The following CCDC7 variants were observed in gnomAD, a reference collection of about 807,000 sequenced individuals.
The protein encoded by CCDC7 is coiled-coil domain containing 7.
Under a neutral mutation model 196.9 loss-of-function variants are expected in CCDC7, and 183 were observed. The ratio of observed to expected loss-of-function variants is 0.93; its 90% CI spans 0.82 to 1.05. The LOEUF is 1.05. Among genes scored for constraint, CCDC7 ranks in the 50% least tolerant of loss-of-function variants. CCDC7 has a pLI of 0.00. For synonymous variants in CCDC7, 525 were observed against 484.6 expected, an observed-to-expected ratio of 1.08 and a Z score of -1.10; for missense variants, 1,540 against 1,482.2, an observed-to-expected ratio of 1.04 and a Z score of -0.64.
chr10:32,788,478 A>G (rs556618016), intron 29 of CCDC7, among the ~76,000 whole-genome samples: 1 of 152,316 alleles, frequency 6.6e-6, no homozygotes, highest in South Asian at 2.1e-4. Context: ...ATACTGGTAC[A>G]GGCCTGCCCA....
intron 21 of CCDC7, among the ~76,000 whole-genome samples, chr10:32,673,848 T>C (rs950102785): frequency 2.0e-5 from 3 of 152,024 alleles, no homozygotes; most frequent in Non-Finnish European, 2.9e-5. Context: ...AGGTTATTGG[T>C]AGGTTCTAGG....
Position 32,565,620 on chromosome 10 carries a change from G to A in CCDC7, c.1197G>A (p.Gln399=), listed in dbSNP as rs752482268. The change falls in exon 14 of 42, where the codon CAG becomes CAA. Residue 399 remains glutamine, a splice_region_variant and synonymous_variant. Transcript: ENST00000639629. The stretch of plus-strand genomic sequence containing the variant: ...AGGAGCAATTGAAACAGGCTTTACA[G>A]GTAAAGGATGTCATGTTTCTTTAAC... 1.5e-5 allele frequency: 24 copies of A among 1,606,096 alleles called. 2 individuals are homozygous for A. In the South Asian group the frequency reaches 2.6e-4, roughly 17 times the overall value.
intron 21 of CCDC7, among the ~76,000 whole-genome samples, chr10:32,685,257 C>T (rs1410383646): frequency 1.4e-5 from 2 of 147,882 alleles, no homozygotes; most frequent in African/African-American, 5.0e-5. Context: ...CCCTACAGGT[C>T]AGTTTATAGA....
intron 21 of CCDC7, among the ~76,000 whole-genome samples, chr10:32,682,726 T>A (rs1476468772): frequency 3.9e-5 from 6 of 152,238 alleles, no homozygotes; most frequent in African/African-American, 1.2e-4. Context: ...TGGTTTTGAT[T>A]TGCATTTCTC....
rs200536902 is a variant in CCDC7 at position 32,463,054 on chromosome 10, G to A, written c.510+5G>A. 1.9e-6 allele frequency: 3 copies of A among 1,613,038 alleles called. No individual in the cohort carries two copies. The highest frequency in any genetic ancestry group is 2.5e-6 in the Non-Finnish European group (3 of 1,179,634). On this transcript the variant is annotated splice_donor_5th_base_variant and intron_variant, in intron 5 of 41. Coordinates refer to ENST00000639629, the Ensembl canonical transcript of CCDC7. ...CAGGTCAATCAGATGGAAGAAGTAA[G>A]TCTAACGTTTTAAAATTGTTAAGTT... is the stretch of plus-strand genomic sequence containing the variant.
chr10:32,512,701 A>G (rs934162840), intron 9 of CCDC7: 3 of 152,230 alleles, frequency 2.0e-5, no homozygotes, highest in African/African-American at 7.2e-5. Flanking sequence ...GGGAGAAAAG[A>G]TTTGTGCTCA....
chr10:32,457,079 A>G (rs889665584), intron 3 of CCDC7, among the ~76,000 whole-genome samples: 3 of 151,812 alleles, frequency 2.0e-5, no homozygotes, highest in Admixed American at 6.6e-5. Flanking sequence ...GCTGTAGAAC[A>G]CTATAACTTA....
downstream of CCDC7, chr10:32,877,024 G>T (rs2094614972): frequency 6.6e-6 from 1 of 151,938 alleles, no homozygotes; most frequent in Non-Finnish European, 1.5e-5. Flanking sequence ...TCCCCAGCAA[G>T]AATCAGAGGA....
intron 24 of CCDC7, among the ~76,000 whole-genome samples, chr10:32,709,096 A>G (rs1194054479): frequency 2.0e-5 from 3 of 152,122 alleles, no homozygotes; most frequent in Admixed American, 1.3e-4. Flanking sequence ...GATAGACTGG[A>G]TTAAGAAAAT....
At chr10:32,761,173 A>G (rs1485003700) in intron 28 of CCDC7, among the ~76,000 whole-genome samples, 1 of 152,068 alleles carries the variant, frequency 6.6e-6, no homozygotes, top group African/African-American at 2.4e-5. Context: ...GCTTCTTAAC[A>G]TAATACAGAA....
intron 20 of CCDC7, among the ~76,000 whole-genome samples, chr10:32,653,105 C>G (rs2069083529): frequency 6.6e-6 from 1 of 152,182 alleles, no homozygotes; most frequent in African/African-American, 2.4e-5. Flanking sequence ...TTTCCTTCAG[C>G]ACTTTGAATA....
intron 13 of CCDC7, among the ~76,000 whole-genome samples, chr10:32,553,527 C>T (rs1042638154): frequency 1.3e-5 from 2 of 152,038 alleles, no homozygotes; most frequent in African/African-American, 4.8e-5. Flanking sequence ...TTTTCTGGTT[C>T]CTTCTCATTT....
chr10:32,511,827 C>A, intron 9 of CCDC7: 1 of 831,550 alleles, frequency 1.2e-6, no homozygotes, highest in Non-Finnish European at 2.0e-6. Flanking sequence ...TCTGCCCGCG[C>A]CACCAGCGGC....
chr10:32,527,504 T>A (rs1295895719), intron 11 of CCDC7, among the ~76,000 whole-genome samples: 2 of 152,176 alleles, frequency 1.3e-5, no homozygotes, highest in East Asian at 3.8e-4. Context: ...GCCACCACCA[T>A]TTTTGTCTCA....
chr10:32,542,111 T>G (rs1274722829), intron 11 of CCDC7, among the ~76,000 whole-genome samples: 1 of 152,202 alleles, frequency 6.6e-6, no homozygotes, highest in Non-Finnish European at 1.5e-5. Flanking sequence ...GTCAGCTATC[T>G]TGTCCAAACG....
intron 21 of CCDC7, among the ~76,000 whole-genome samples, chr10:32,678,012 T>A (rs952167248): frequency 3.3e-5 from 5 of 152,072 alleles, no homozygotes; most frequent in Admixed American, 3.3e-4. Context: ...TCTATGAAAT[T>A]TTTCAGTTTA....
chr10:32,765,722 G>C (rs1421680512), intron 28 of CCDC7, among the ~76,000 whole-genome samples: 1 of 152,010 alleles, frequency 6.6e-6, no homozygotes, highest in Admixed American at 6.6e-5. Flanking sequence ...TCAGAAAACA[G>C]GTGGATCTCA....
intron 31 of CCDC7, among the ~76,000 whole-genome samples, chr10:32,815,636 A>G (rs1035001954): frequency 6.6e-6 from 1 of 152,236 alleles, no homozygotes; most frequent in Non-Finnish European, 1.5e-5. Context: ...ATATTAATCT[A>G]TACATCTGAG....
chr10:32,694,717 A>G (rs2077487852), intron 23 of CCDC7, among the ~76,000 whole-genome samples, 162 bp from the exon 25 acceptor site: 1 of 152,178 alleles, frequency 6.6e-6, no homozygotes, highest in South Asian at 2.1e-4. Context: ...CACCCATTAA[A>G]AATGTTCTTA....
Sources: allele counts gnomAD v4.1 joint callset (sites outside exome capture counted in the v4.1 genomes callset), GRCh38; gene constraint gnomAD v4.1.1; transcripts MANE v1.5; gene names NCBI Gene and HGNC (gene_info 2026-07-23, HGNC 2026-07-21).